PTPRD: variants seen among roughly 807,000 people sequenced by gnomAD.
PTPRD encodes protein tyrosine phosphatase receptor type D.
PTPRD carries 34 observed loss-of-function variants against 214.5 expected under a neutral mutation model. That is an observed-to-expected ratio of 0.16 (90% CI 0.12 to 0.21). The LOEUF (loss-of-function observed/expected upper bound fraction) is 0.21, where lower values mean the gene tolerates loss of function less well. Ranked by LOEUF, PTPRD falls within the 10% of genes least tolerant of loss-of-function variation. PTPRD has a pLI of 1.00. For synonymous variants in PTPRD, 1,128 were observed against 845.7 expected (o/e 1.33, Z -5.79); for missense variants, 2,545 against 2,398.7 (o/e 1.06, Z -1.27).
At chr9:8,689,191 T>C (rs191698978) in intron 12 of PTPRD, among the ~76,000 whole-genome samples, 1 of 152,296 alleles carries the variant, frequency 6.6e-6, no homozygotes, top group East Asian at 1.9e-4. Flanking sequence ...CCACCTCTAA[T>C]TGATACCAAT....
chr9:9,995,078 T>A (rs1346679663), intron 4 of PTPRD, among the ~76,000 whole-genome samples: 1 of 152,172 alleles, frequency 6.6e-6, no homozygotes, highest in Admixed American at 6.5e-5. Flanking sequence ...TGAATTAATC[T>A]AATCTCTTTA....
At chr9:9,356,678 A>G (rs572313004) in intron 9 of PTPRD, among the ~76,000 whole-genome samples, 1 of 151,592 alleles carries the variant, frequency 6.6e-6, no homozygotes, top group South Asian at 2.1e-4. Flanking sequence ...TTGAAGAAAC[A>G]TAGTTCAAGA....
In PTPRD at chr9:10,475,338, A is replaced by G. The variant is rs201298751; in HGVS notation, c.-599-134321T>C. Among the ~76,000 whole-genome samples the G allele has an allele frequency of 4.6e-3, 693 of 152,120 alleles. 8 individuals carry two copies. The highest frequency in any genetic ancestry group is 0.016 in the African/African-American group (662 of 41,538). Reference sequence around the variant, plus strand: ...GATTCCACAGAAATAGAAACTACCAACAGAGAATATTATAAACACCTCTAC... The same window carrying G: ...GATTCCACAGAAATAGAAACTACCAGCAGAGAATATTATAAACACCTCTAC... On this transcript the variant is annotated intron_variant, in intron 2 of 45. Coordinates refer to ENST00000381196, the MANE Select transcript of PTPRD (RefSeq NM_002839.4).
At chr9:8,897,503 G>A (rs2098629245) in intron 11 of PTPRD, among the ~76,000 whole-genome samples, 1 of 152,152 alleles carries the variant, frequency 6.6e-6, no homozygotes, top group Non-Finnish European at 1.5e-5. Context: ...GAGAATGTGT[G>A]GAAGATTTTG....
At chr9:9,984,193 A>C (rs946761425) in intron 4 of PTPRD, among the ~76,000 whole-genome samples, 5 of 152,180 alleles carry the variant, frequency 3.3e-5, no homozygotes, top group African/African-American at 9.6e-5. Context: ...AGATTATTAC[A>C]TGGAGTAGTC....
intron 3 of PTPRD, among the ~76,000 whole-genome samples, chr9:10,307,643 T>C (rs2096125241): frequency 6.6e-6 from 1 of 152,086 alleles, no homozygotes; most frequent in Non-Finnish European, 1.5e-5. Context: ...TTTTCCATAA[T>C]GGATGTACTA....
At chr9:9,389,206 T>C (rs1295970472) in intron 9 of PTPRD, among the ~76,000 whole-genome samples, 1 of 152,182 alleles carries the variant, frequency 6.6e-6, no homozygotes, top group Non-Finnish European at 1.5e-5. Flanking sequence ...GCTTTTATTA[T>C]GTTCTCAAAA....
At chr9:8,906,510 A>G (rs2098708782) in intron 11 of PTPRD, among the ~76,000 whole-genome samples, 1 of 152,230 alleles carries the variant, frequency 6.6e-6, no homozygotes, top group Non-Finnish European at 1.5e-5. Context: ...AGATAATGCT[A>G]TGATACACTG....
At chr9:9,582,416 C>T (rs189185783) in intron 7 of PTPRD, among the ~76,000 whole-genome samples, 1 of 152,032 alleles carries the variant, frequency 6.6e-6, no homozygotes, top group Non-Finnish European at 1.5e-5. Context: ...CTTTGTTTAT[C>T]AGACTCCCAA....
At chr9:9,169,786 A>G (rs1239290473) in intron 10 of PTPRD, among the ~76,000 whole-genome samples, 15 of 152,202 alleles carry the variant, frequency 9.9e-5, no homozygotes, top group Non-Finnish European at 2.2e-4. Context: ...AAGGACTCAG[A>G]GCATAGGTGT....
At chr9:8,581,657 A>G (rs561249345) in intron 14 of PTPRD, among the ~76,000 whole-genome samples, 31 of 152,244 alleles carry the variant, frequency 2.0e-4, no homozygotes, top group Admixed American at 9.2e-4. Context: ...CTGAGGCAGG[A>G]GAATGGCGTG....
intron 11 of PTPRD, among the ~76,000 whole-genome samples, chr9:8,979,794 A>T (rs887598863): frequency 1.3e-5 from 2 of 152,120 alleles, no homozygotes; most frequent in African/African-American, 4.8e-5. Context: ...GGGAATAGAG[A>T]TTGGTACAGC....
intron 10 of PTPRD, among the ~76,000 whole-genome samples, chr9:9,133,977 C>T (rs2154476341): frequency 6.6e-6 from 1 of 152,058 alleles, no homozygotes; most frequent in South Asian, 2.1e-4. Flanking sequence ...TGTGAAATTC[C>T]ACACCTTACC....
chr9:8,594,880 T>G (rs577989333), intron 14 of PTPRD, among the ~76,000 whole-genome samples: 291 of 139,912 alleles, frequency 2.1e-3, no homozygotes, highest in Middle Eastern at 0.016. Flanking sequence ...TTTTTTTTTT[T>G]GGGACAGAGT....
chr9:10,387,370 A>C (rs1036756773), intron 2 of PTPRD, among the ~76,000 whole-genome samples: 1 of 151,896 alleles, frequency 6.6e-6, no homozygotes, highest in Non-Finnish European at 1.5e-5. Flanking sequence ...CACTACAACT[A>C]AGTACAGGTT....
At chr9:8,854,147 G>C (rs1450537468) in intron 11 of PTPRD, among the ~76,000 whole-genome samples, 1 of 152,004 alleles carries the variant, frequency 6.6e-6, no homozygotes, top group African/African-American at 2.4e-5. Context: ...GAGATTCCTA[G>C]AAACTTTTGG....
chr9:9,933,757 C>G (rs1194430224), intron 5 of PTPRD, among the ~76,000 whole-genome samples: 2 of 148,750 alleles, frequency 1.3e-5, no homozygotes, highest in African/African-American at 2.6e-5. Context: ...CTCTCCACCC[C>G]AAATCAACAG....
intron 12 of PTPRD, among the ~76,000 whole-genome samples, chr9:8,700,270 A>G (rs533036353): frequency 6.6e-6 from 1 of 152,352 alleles, no homozygotes; most frequent in Non-Finnish European, 1.5e-5. Flanking sequence ...CATCTAAATT[A>G]TTATTTACTG....
chr9:9,449,213 A>G (rs1366852352), intron 8 of PTPRD, among the ~76,000 whole-genome samples: 2 of 152,066 alleles, frequency 1.3e-5, no homozygotes, highest in Non-Finnish European at 2.9e-5. Flanking sequence ...ACAGGGAGAA[A>G]AATAACTTAC....
Sources: gnomAD v4.1 joint callset for allele counts (sites outside exome capture counted in the v4.1 genomes callset) on GRCh38, gnomAD v4.1.1 for gene constraint, MANE v1.5 for transcripts, NCBI Gene and HGNC (gene_info 2026-07-23, HGNC 2026-07-21) for gene names.